The following USP16 variants were observed in gnomAD, a reference collection of about 807,000 sequenced individuals.
USP16 encodes ubiquitin specific peptidase 16, also known as ubiquitin carboxyl-terminal hydrolase 16.
In USP16, 77 loss-of-function variants were observed where a neutral mutation model predicts 95.9. The ratio of observed to expected loss-of-function variants is 0.80; its 90% CI spans 0.67 to 0.97. The LOEUF (loss-of-function observed/expected upper bound fraction) is 0.97, where lower values mean the gene tolerates loss of function less well. Ranked by LOEUF, USP16 falls within the 50% of genes least tolerant of loss-of-function variation. The probability of loss-of-function intolerance (pLI) is 0.00; values close to 1 mark genes in which losing one functional copy is unlikely to be tolerated. For missense variants in USP16, 943 were observed against 959.9 expected, an observed-to-expected ratio of 0.98 and a Z score of 0.23; for synonymous variants, 303 against 318.2, an observed-to-expected ratio of 0.95 and a Z score of 0.51.
rs2085463519 is a variant in USP16 at position 29,054,382 on chromosome 21, T to C, written c.*195T>C. 7 of 727,750 alleles carry C rather than the reference T, an allele frequency of 9.6e-6. No individual in the cohort carries two copies. The highest frequency in any genetic ancestry group is 1.5e-5 in the Non-Finnish European group (7 of 474,638). The allele number at this position is 727,750 out of a possible 1,614,324, so 45.1% of individuals were successfully genotyped here. A position where few individuals can be genotyped will look rare whatever the true frequency, so the allele number is the denominator to read the frequency against. The stretch of plus-strand genomic sequence containing the variant: ...TTTTATATTGTCATAGTGGTTTTTA[T>C]TCCTGCTTTGTTTCTGGAAAGGAAA... On this transcript the variant is annotated 3_prime_UTR_variant, in exon 18 of 18. Transcript: ENST00000399976.
At chr21:29,050,272 A>G (rs572412079) in intron 16 of USP16, 94 bp downstream of exon 16, 1 of 1,052,980 alleles carries the variant, frequency 9.5e-7, no homozygotes, top group South Asian at 1.5e-5. Context: ...TATGAAGTTG[A>G]TAACACTTAT....
rs530971875 is a variant in USP16, at chr21:29,039,115, G to C, written c.822G>C (p.Gly274=). 2 of 1,582,546 alleles carry C rather than the reference G, an allele frequency of 1.3e-6. No homozygotes were observed. Among genetic ancestry groups the C allele is most frequent in the South Asian group, 2.3e-5 (2 of 86,768 alleles). Residue 274 remains glycine, a synonymous_variant, in exon 8 of 18, where the codon GGG becomes GGC. Transcript: ENST00000399976. ...ATGAGATGCAAGAGACCAAAAAGGG[G>C]GTTGTGACACCGAAAGAACTCTTTT... The part of the protein sequence containing the change: ...FLNEMQETKK[G]VVTPKELFSQ...
chr21:29,031,022 A>G (rs1180246115), intron 3 of USP16, among the ~76,000 whole-genome samples: 1 of 152,212 alleles, frequency 6.6e-6, no homozygotes, highest in African/African-American at 2.4e-5. Flanking sequence ...ACAGGGTCTC[A>G]GCCAATCCCA....
In USP16 at chr21:29,024,701, C is replaced by T; in HGVS notation, c.-118C>T. On this transcript the variant is annotated 5_prime_UTR_variant, in exon 1 of 18. Transcript: ENST00000399976. Reference sequence around the variant, plus strand: ...TTCGACTCCGTCGCTCTCAATTCGTCACCAGGAGGAAGACGGAGCTGGCTG... The same window carrying T: ...TTCGACTCCGTCGCTCTCAATTCGTTACCAGGAGGAAGACGGAGCTGGCTG... 5 of 1,289,258 alleles carry T rather than the reference C, an allele frequency of 3.9e-6. No individual in the cohort carries two copies. Among genetic ancestry groups the T allele is most frequent in the Non-Finnish European group, 5.1e-6 (5 of 988,726 alleles). 79.9% of individuals were successfully genotyped at this position (1,289,258 alleles called of 1,614,324 possible).
rs1165655005 is a variant in USP16, at chr21:29,042,523, G to T, written c.1174G>T (p.Asp392Tyr). ...FLDLSLPVLD[D>Y]QSGKKSVNDK... ...TGATTTGTCCCTCCCAGTTTTAGAT[G>T]ATCAGGTAAGACTATTGAATTTATT... is the stretch of plus-strand genomic sequence containing the variant. Residue 392 changes from aspartate (D) to tyrosine (Y), a missense_variant, in exon 12 of 18, where the codon GAT (aspartate) becomes TAT (tyrosine). Transcript: ENST00000399976. 6.2e-7 allele frequency: 1 copy of T among 1,601,428 alleles called. No homozygotes were observed. The highest frequency in any genetic ancestry group is 2.3e-5 in the East Asian group (1 of 44,428).
chr21:29,039,509 C>T lies in USP16; in HGVS notation c.892C>T (p.Gln298Ter). Residue 298 changes from glutamine to a stop codon, truncating the protein, a stop_gained, in exon 9 of 18, where the codon CAA (glutamine) becomes TAA (stop). Transcript: ENST00000399976. LOFTEE classifies it high-confidence loss of function. ...KAVRFKGYQQ[Q>*]DSQELLRYLL... The stretch of plus-strand genomic sequence containing the variant: ...AGTGCGGTTTAAAGGCTATCAGCAG[C>T]AAGACAGCCAGGAGCTGCTTCGCTA... 1 of 1,613,232 alleles carries T rather than the reference C, an allele frequency of 6.2e-7. No homozygotes were observed. The highest frequency in any genetic ancestry group is 8.5e-7 in the Non-Finnish European group (1 of 1,179,408).
Position 29,027,974 on chromosome 21 carries a change from G to T in USP16, c.61G>T (p.Glu21Ter), listed in dbSNP as rs200880917. The T allele has an allele frequency of 2.4e-5, 38 of 1,608,074 alleles. 1 individual carries two copies. The Admixed American group carries it at 6.3e-4, about 27-fold the overall frequency. The stretch of plus-strand genomic sequence containing the variant: ...AATCGATGATTCCTCTGAAACTTTA[G>T]GTATATTTCATTGATTGAATCTTTA... ...VPIDDSSETL[E>*]PVCRHIRKGL... The change falls in exon 2 of 18, where the codon GAA (glutamate) becomes TAA (stop). Residue 21 changes from glutamate (E) to a stop codon, truncating the protein, a stop_gained and splice_region_variant. Transcript: ENST00000399976. LOFTEE classifies it high-confidence loss of function.
At position 29,054,347 on chromosome 21, in the gene USP16, T is replaced by G; in HGVS notation, c.*160T>G. On this transcript the variant is annotated 3_prime_UTR_variant, in exon 18 of 18. Coordinates refer to ENST00000399976, the MANE Select transcript of USP16 (RefSeq NM_006447.3). ...TATTGAAGGGAAAAATACCTAAAAA[T>G]GTACAAAGGTTTTATATTGTCATAG... 1.0e-6 allele frequency: 1 copy of G among 954,426 alleles called. No individual in the cohort carries two copies. 59.1% of individuals were successfully genotyped at this position (954,426 alleles called of 1,614,324 possible).
rs142178023 is a variant in USP16, at chr21:29,047,234, C to T, written c.1924C>T (p.Arg642Cys). 429 of 1,613,940 alleles carry T rather than the reference C, an allele frequency of 2.7e-4. 2 individuals are homozygous for T. The highest frequency in any genetic ancestry group is 3.4e-4 in the Non-Finnish European group (405 of 1,180,022). Residue 642 changes from arginine (R) to cysteine (C), a missense_variant, in exon 14 of 18, where the codon CGT becomes TGT. By Grantham distance (180) the Arg-to-Cys change is radical (BLOSUM62 -3). Coordinates refer to ENST00000399976, the MANE Select transcript of USP16 (RefSeq NM_006447.3). ...CCAACATTGTTTATATCAGTTCACC[C>T]GTAATGAGAAACTTCGAGATGCGAA... ...SIQHCLYQFTRNEKLRDANKL... is the reference protein window; with the variant it reads ...SIQHCLYQFTCNEKLRDANKL...
At chr21:29,048,522 T>TA (rs1327927347) in intron 14 of USP16, among the ~76,000 whole-genome samples, 1 of 152,232 alleles carries the variant, frequency 6.6e-6, no homozygotes, top group Non-Finnish European at 1.5e-5. Context: ...TCTCAGTTAT[T>TA]ACTGTATTTT....
chr21:29,045,053 A>G (rs756495585), intron 13 of USP16, among the ~76,000 whole-genome samples: 1 of 152,176 alleles, frequency 6.6e-6, no homozygotes, highest in Non-Finnish European at 1.5e-5. Context: ...GGAAAATATT[A>G]TCTCAGTGCA....
At chr21:29,045,219 T>C (rs2085305020) in intron 13 of USP16, among the ~76,000 whole-genome samples, 2 of 152,220 alleles carry the variant, frequency 1.3e-5, no homozygotes, top group Non-Finnish European at 1.5e-5. Context: ...CATCAGAAAA[T>C]GTTTGGTTCC....
At chr21:29,039,335 T>C in intron 8 of USP16, 146 bp from the exon 9 acceptor site, 1 of 1,082,888 alleles carries the variant, frequency 9.2e-7, no homozygotes, top group Admixed American at 3.5e-5. Flanking sequence ...GATAGTTAAA[T>C]CTCCCAAGGG....
chr21:29,047,337 C>G lies in USP16; in HGVS notation c.2011+16C>G. 6.3e-7 allele frequency: 1 copy of G among 1,584,896 alleles called. No individual in the cohort carries two copies. The highest frequency in any genetic ancestry group is 8.6e-7 in the Non-Finnish European group (1 of 1,166,888). On this transcript the variant is annotated intron_variant, in intron 14 of 17. Coordinates refer to ENST00000399976, the MANE Select transcript of USP16 (RefSeq NM_006447.3). Reference sequence around the variant, plus strand: ...AATATAAAAGGTATTTTAATGCTCTCACTGTAAGTAAAATTAATATTCAGG... The same window carrying G: ...AATATAAAAGGTATTTTAATGCTCTGACTGTAAGTAAAATTAATATTCAGG...
Position 29,027,966 on chromosome 21 carries a change from A to T in USP16, c.53A>T (p.Glu18Val). The change falls in exon 2 of 18, where the codon GAA (glutamate) becomes GTA (valine). Residue 18 changes from glutamate to valine, a missense_variant. Coordinates refer to ENST00000399976, the MANE Select transcript of USP16 (RefSeq NM_006447.3). ...GKTVPIDDSS[E>V]TLEPVCRHIR... ...ACTGTTCCAATCGATGATTCCTCTG[A>T]AACTTTAGGTATATTTCATTGATTG... 6.2e-7 allele frequency: 1 copy of T among 1,611,628 alleles called. No individual in the cohort carries two copies. The highest frequency in any genetic ancestry group is 8.5e-7 in the Non-Finnish European group (1 of 1,177,988).
intron 6 of USP16, 87 bp downstream of exon 6, chr21:29,037,550 G>C (rs2085177572): frequency 9.4e-6 from 5 of 532,802 alleles, no homozygotes; most frequent in African/African-American, 2.2e-5. Flanking sequence ...TTCCACCTGA[G>C]TAATTTATTT....
chr21:29,028,727 G>A lies in USP16; in HGVS notation c.61+753G>A, dbSNP rs553836572. On this transcript the variant is annotated intron_variant, in intron 2 of 17. Coordinates refer to ENST00000399976, the MANE Select transcript of USP16 (RefSeq NM_006447.3). ...TGGGATTACAGGCGTGAGCCACCGC[G>A]CCCGACCTTCAACAACATTTTTAAT... Among the ~76,000 whole-genome samples the A allele has an allele frequency of 1.6e-4, 25 of 152,158 alleles. No homozygotes were observed. The South Asian group carries it at 4.2e-3, about 25-fold the overall frequency.
chr21:29,048,758 T>C lies in USP16; in HGVS notation c.2012-3T>C. Reference sequence around the variant, plus strand: ...CCTGTTAAAAATTTCTTCTTTTCTTTAGGTGAAAGGAAGCATGTTTACACC... The same window carrying C: ...CCTGTTAAAAATTTCTTCTTTTCTTCAGGTGAAAGGAAGCATGTTTACACC... On this transcript the variant is annotated splice_region_variant and splice_polypyrimidine_tract_variant and intron_variant, in intron 14 of 17. Transcript: ENST00000399976. The C allele has an allele frequency of 6.2e-7, 1 of 1,611,802 alleles. No homozygotes were observed. Among genetic ancestry groups the C allele is most frequent in the Non-Finnish European group, 8.5e-7 (1 of 1,178,848 alleles).
chr21:29,040,998 A>G (rs1244106520), intron 10 of USP16, among the ~76,000 whole-genome samples: 1 of 152,148 alleles, frequency 6.6e-6, no homozygotes, highest in Non-Finnish European at 1.5e-5. Flanking sequence ...TTTATTAATC[A>G]TGGAGCCAAC....
Sources: gnomAD v4.1 joint callset for allele counts (sites outside exome capture counted in the v4.1 genomes callset) on GRCh38, gnomAD v4.1.1 for gene constraint, MANE v1.5 for transcripts, NCBI Gene and HGNC (gene_info 2026-07-23, HGNC 2026-07-21) for gene names.